INTS2: variants seen among roughly 807,000 people sequenced by gnomAD.
INTS2 encodes the protein integrator complex subunit 2.
A neutral mutation model predicts 139.6 loss-of-function variants in INTS2; 57 were observed. That is an observed-to-expected ratio of 0.41 (90% CI 0.33 to 0.51). The LOEUF is 0.51. Among genes scored for constraint, INTS2 ranks in the 20% least tolerant of loss-of-function variants. INTS2 has a pLI of 0.28. For synonymous variants in INTS2, 473 were observed against 493.4 expected (o/e 0.96, Z 0.55); for missense variants, 1,196 against 1,436.7 (o/e 0.83, Z 2.71).
intron 7 of INTS2, among the ~76,000 whole-genome samples, chr17:61,908,851 G>C (rs542923492): frequency 1.0e-4 from 14 of 140,206 alleles, no homozygotes; most frequent in African/African-American, 3.4e-4. Context: ...AATAGAACTT[G>C]AATATTTTAA....
At chr17:61,915,816 T>TAAAAAA (rs1193639396) in intron 5 of INTS2, among the ~76,000 whole-genome samples, 3 of 64,172 alleles carry the variant, frequency 4.7e-5, no homozygotes, top group Non-Finnish European at 8.8e-5. Flanking sequence ...AGACTCTGTC[T>TAAAAAA]AAAAAAAAAA....
chr17:61,892,770 C>A (rs536336887), intron 13 of INTS2, among the ~76,000 whole-genome samples: 29 of 150,712 alleles, frequency 1.9e-4, no homozygotes, highest in Non-Finnish European at 3.8e-4. Context: ...CATGGTGAAA[C>A]CCTGTCTCTA....
At position 61,884,908 on chromosome 17, in the gene INTS2, C is replaced by T. The variant is rs758792197; in HGVS notation, c.2082G>A (p.Glu694=). 3.1e-6 allele frequency: 5 copies of T among 1,597,404 alleles called. No homozygotes were observed. In the East Asian group the frequency reaches 8.9e-5, roughly 29 times the overall value. The change falls in exon 16 of 25, where the codon GAG becomes GAA. Residue 694 remains glutamate, a synonymous_variant. Coordinates refer to ENST00000251334, the MANE Select transcript of INTS2 (RefSeq NM_001351695.2). ...AAGCAAAATAAAACATACCTCCCAA[C>T]TCCTGCTGCAGCCCTTGAGCCTGTC... ...LIRQAQGLQQ[E]LGGLHSALLR... is the part of the protein sequence containing the mutation.
At position 61,927,821 on chromosome 17, in the gene INTS2, C is replaced by T; in HGVS notation, c.-186G>A. 6.2e-7 allele frequency: 1 copy of T among 1,611,470 alleles called. No individual in the cohort carries two copies. Among genetic ancestry groups the T allele is most frequent in the Non-Finnish European group, 8.5e-7 (1 of 1,178,514 alleles). Reference sequence around the variant, plus strand: ...ACTCGGACACCAAGAACTCAGACGCCGGGACCAACCGGGTTGTCGATACAA... The same window carrying T: ...ACTCGGACACCAAGAACTCAGACGCTGGGACCAACCGGGTTGTCGATACAA... On this transcript the variant is annotated 5_prime_UTR_variant, in exon 1 of 25. Coordinates refer to ENST00000251334, the MANE Select transcript of INTS2 (RefSeq NM_001351695.2).
Position 61,871,753 on chromosome 17 carries a change from G to C in INTS2, c.2778+512C>G, listed in dbSNP as rs986794031. Among the ~76,000 whole-genome samples, 2 of 151,912 alleles carry C rather than the reference G, an allele frequency of 1.3e-5. No individual in the cohort carries two copies. Among genetic ancestry groups the C allele is most frequent in the African/African-American group, 4.8e-5 (2 of 41,374 alleles). On this transcript the variant is annotated intron_variant, in intron 20 of 24. Transcript: ENST00000251334. The surrounding 1 kb of genome is among the most constrained non-coding windows in gnomAD (Gnocchi z 4.9). The stretch of plus-strand genomic sequence containing the variant: ...GTTCAACACAAGCCTGGCAAACACA[G>C]CAAAACCCTGTCTCTACTAAAAATA...
intron 15 of INTS2, 32 bp from the exon 16 acceptor site, chr17:61,885,037 A>C (rs2079213552): frequency 2.9e-6 from 4 of 1,393,306 alleles, no homozygotes; most frequent in East Asian, 4.8e-5. Context: ...AAATAAATAA[A>C]ATGTCCAGAA....
At chr17:61,927,420 C>A in intron 1 of INTS2, 1 of 162,776 alleles carries the variant, frequency 6.1e-6, no homozygotes, top group South Asian at 1.6e-4. Flanking sequence ...GGCCGACCGA[C>A]TAGCAGCAGC....
rs1358638564 is a variant in INTS2 at position 61,867,771 on chromosome 17, A to C, written c.3422-45T>G. ...AAACATTAAGGCCAAGAAATTTGGA[A>C]AGGAATTTGGCCTTTTTGTTTGAGA... On this transcript the variant is annotated intron_variant, in intron 24 of 24. Coordinates refer to ENST00000251334, the MANE Select transcript of INTS2 (RefSeq NM_001351695.2). This position sits in a 1 kb window ranked among gnomAD's most constrained non-coding sequence, Gnocchi z 5.6. 1 of 1,561,372 alleles carries C rather than the reference A, an allele frequency of 6.4e-7. No individual in the cohort carries two copies. Among genetic ancestry groups the C allele is most frequent in the Middle Eastern group, 1.7e-4 (1 of 5,786 alleles).
chr17:61,923,334 A>G (rs868239956), intron 3 of INTS2, among the ~76,000 whole-genome samples: 20 of 151,510 alleles, frequency 1.3e-4, no homozygotes, highest in Middle Eastern at 3.4e-3. Flanking sequence ...AAGATTAGCC[A>G]GGCATGGTGG....
intron 18 of INTS2, among the ~76,000 whole-genome samples, chr17:61,877,219 T>C (rs999582604): frequency 1.3e-5 from 2 of 152,118 alleles, no homozygotes; most frequent in African/African-American, 4.8e-5. Flanking sequence ...GGGGAGGATA[T>C]AAATACCAGA....
chr17:61,877,429 A>C lies in INTS2; in HGVS notation c.2456+458T>G, dbSNP rs973089694. On this transcript the variant is annotated intron_variant, in intron 18 of 24. Coordinates refer to ENST00000251334, the MANE Select transcript of INTS2 (RefSeq NM_001351695.2). Reference sequence around the variant, plus strand: ...AATGACTAAAGACAAACTTTGCTGCACACTGAAATCACCTGGGGAATCTTT... The same window carrying C: ...AATGACTAAAGACAAACTTTGCTGCCCACTGAAATCACCTGGGGAATCTTT... Among the ~76,000 whole-genome samples the C allele has an allele frequency of 2.6e-5, 4 of 152,328 alleles. No homozygotes were observed. In the South Asian group the frequency reaches 8.3e-4, roughly 32 times the overall value.
At chr17:61,888,590 T>G (rs1438183223) in intron 15 of INTS2, among the ~76,000 whole-genome samples, 1 of 151,508 alleles carries the variant, frequency 6.6e-6, no homozygotes, top group Non-Finnish European at 1.5e-5. Flanking sequence ...TGTGTGTGTG[T>G]GGAGATGGGC....
rs776407621 is a variant in INTS2 at position 61,872,225 on chromosome 17, CT to C, written c.2778+39del. The C allele has an allele frequency of 1.2e-4, 182 of 1,478,036 alleles. No homozygotes were observed. The highest frequency in any genetic ancestry group is 1.5e-4 in the Non-Finnish European group (159 of 1,066,558). The allele number at this position is 1,478,036 out of a possible 1,614,324, so 91.6% of individuals were successfully genotyped here. A position where few individuals can be genotyped will look rare whatever the true frequency, so the allele number is the denominator to read the frequency against. ...AACTGATTATACTAGTAGAGAAGCC[CT>C]TGCTCTTTTTGACTAAATTTTACTT... On this transcript the variant is annotated intron_variant, in intron 20 of 24. Coordinates refer to ENST00000251334, the MANE Select transcript of INTS2 (RefSeq NM_001351695.2). This position sits in a 1 kb window ranked among gnomAD's most constrained non-coding sequence, Gnocchi z 4.8.
At chr17:61,908,376 C>T (rs2079488603) in intron 7 of INTS2, among the ~76,000 whole-genome samples, 1 of 152,282 alleles carries the variant, frequency 6.6e-6, no homozygotes, top group African/African-American at 2.4e-5. Flanking sequence ...GATGGCGCCA[C>T]TGCACTCCAG....
chr17:61,898,447 A>T (rs1368140517), intron 9 of INTS2, among the ~76,000 whole-genome samples: 1 of 152,046 alleles, frequency 6.6e-6, no homozygotes, highest in Non-Finnish European at 1.5e-5. Flanking sequence ...GGCATGCGCT[A>T]CTGCATCCAG....
chr17:61,909,823 ATGTGTGTGTGTG>A lies in INTS2; in HGVS notation c.954+1685_954+1696del, dbSNP rs78460850. On this transcript the variant is annotated intron_variant, in intron 7 of 24. Coordinates refer to ENST00000251334, the MANE Select transcript of INTS2 (RefSeq NM_001351695.2). The surrounding 1 kb of genome is among the most constrained non-coding windows in gnomAD (Gnocchi z 4.9). ...TATACGTGTGTGTGTACATGTGTGT[ATGTGTGTGTGTG>A]TGTGTGTGTGTGTGTGTGTGTGTGT... 1.7e-3 allele frequency among the ~76,000 whole-genome samples: 230 copies of A among 138,888 alleles called. No individual in the cohort carries two copies. The highest frequency in any genetic ancestry group is 4.1e-3 in the South Asian group (18 of 4,386). 91.1% of individuals were successfully genotyped at this position (138,888 alleles called of 152,430 possible). A position where few individuals can be genotyped will look rare whatever the true frequency, so the allele number is the denominator to read the frequency against.
intron 5 of INTS2, among the ~76,000 whole-genome samples, chr17:61,914,982 T>A (rs927823433): frequency 1.3e-5 from 2 of 151,568 alleles, no homozygotes; most frequent in African/African-American, 4.9e-5. Context: ...GGAGGACAGA[T>A]CACTTGAGGT....
At chr17:61,918,531 C>T (rs545334278) in intron 5 of INTS2, among the ~76,000 whole-genome samples, 3 of 152,068 alleles carry the variant, frequency 2.0e-5, no homozygotes, top group Non-Finnish European at 4.4e-5. Context: ...CATGAGCCAC[C>T]GTGCCCAGCC....
In INTS2 at chr17:61,867,418, A is replaced by G. The variant is rs1427174177; in HGVS notation, c.*139T>C. ...CATAATTCTCATAAAGTTCTAAACT[A>G]TACTCATGTTGAATTGAATTGTTTT... On this transcript the variant is annotated 3_prime_UTR_variant, in exon 25 of 25. Transcript: ENST00000251334. This position sits in a 1 kb window ranked among gnomAD's most constrained non-coding sequence, Gnocchi z 5.6. 6 of 533,994 alleles carry G rather than the reference A, an allele frequency of 1.1e-5. No homozygotes were observed. The East Asian group carries it at 1.8e-4, about 16-fold the overall frequency. The allele number at this position is 533,994 out of a possible 1,614,324, so 33.1% of individuals were successfully genotyped here. A position where few individuals can be genotyped will look rare whatever the true frequency, so the allele number is the denominator to read the frequency against.
Sources: gnomAD v4.1 joint callset for allele counts (sites outside exome capture counted in the v4.1 genomes callset) on GRCh38, gnomAD v4.1.1 for gene constraint, Gnocchi (gnomAD v3.1) non-coding constraint, MANE v1.5 for transcripts, NCBI Gene and HGNC (gene_info 2026-07-23, HGNC 2026-07-21) for gene names.